The following LRP1B variants were observed in gnomAD, a reference collection of about 807,000 sequenced individuals.
The protein encoded by LRP1B is LDL receptor related protein 1B.
A neutral mutation model predicts 556.6 loss-of-function variants in LRP1B; 217 were observed. That is an observed-to-expected ratio of 0.39 (90% CI 0.35 to 0.44). LRP1B has a LOEUF of 0.44. Among genes scored for constraint, LRP1B ranks in the 20% least tolerant of loss-of-function variants. The probability of loss-of-function intolerance (pLI) is 1.00; values close to 1 mark genes in which losing one functional copy is unlikely to be tolerated. For synonymous variants in LRP1B, 2,047 were observed against 1,865.8 expected (o/e 1.10, Z -2.50); for missense variants, 5,053 against 5,620.8 (o/e 0.90, Z 3.23).
chr2:141,533,104 G>C (rs1265759534), intron 2 of LRP1B, among the ~76,000 whole-genome samples: 1 of 152,132 alleles, frequency 6.6e-6, no homozygotes, highest in East Asian at 1.9e-4. Context: ...CAGAGTCAAA[G>C]CTTGACTTAT....
At chr2:141,981,151 T>C (rs1244740280) in intron 1 of LRP1B, among the ~76,000 whole-genome samples, 1 of 152,122 alleles carries the variant, frequency 6.6e-6, no homozygotes, top group Non-Finnish European at 1.5e-5. Flanking sequence ...AGAGACCATC[T>C]ACTGCCCAGA....
intron 25 of LRP1B, among the ~76,000 whole-genome samples, chr2:140,872,866 T>C (rs530849470): frequency 4.1e-4 from 62 of 152,136 alleles, no homozygotes; most frequent in African/African-American, 1.4e-3. Flanking sequence ...AAAAAAGGTC[T>C]TTATGAATCT....
intron 1 of LRP1B, among the ~76,000 whole-genome samples, chr2:141,979,197 C>G (rs960624136): frequency 6.6e-6 from 1 of 151,950 alleles, no homozygotes; most frequent in Non-Finnish European, 1.5e-5. Flanking sequence ...TAAATCTGGA[C>G]CTAAATTGTA....
intron 25 of LRP1B, among the ~76,000 whole-genome samples, chr2:140,872,869 A>G (rs1693183433): frequency 6.6e-6 from 1 of 152,066 alleles, no homozygotes. Context: ...AAAGGTCTTT[A>G]TGAATCTATA....
chr2:140,874,502 G>A (rs1013183255), intron 25 of LRP1B, among the ~76,000 whole-genome samples: 1 of 152,072 alleles, frequency 6.6e-6, no homozygotes, highest in African/African-American at 2.4e-5. Context: ...GTGCAGTGCA[G>A]AAGGTCTTTT....
intron 2 of LRP1B, among the ~76,000 whole-genome samples, chr2:141,621,383 A>C (rs1688500301): frequency 6.6e-6 from 1 of 152,320 alleles, no homozygotes; most frequent in South Asian, 2.1e-4. Flanking sequence ...AAATGACTTG[A>C]TAAGACAGAA....
intron 35 of LRP1B, among the ~76,000 whole-genome samples, chr2:140,750,113 C>CACA (rs1048828310): frequency 1.4e-4 from 20 of 144,242 alleles, no homozygotes; most frequent in African/African-American, 5.1e-4. Context: ...CACACACACA[C>CACA]ATTTCAGTAC....
At chr2:141,100,846 A>C (rs1349794713) in intron 7 of LRP1B, among the ~76,000 whole-genome samples, 1 of 152,062 alleles carries the variant, frequency 6.6e-6, no homozygotes, top group African/African-American at 2.4e-5. Context: ...AGGCCTGCTA[A>C]GGCTTCCATG....
At chr2:140,345,979 C>A (rs1485077884) in intron 77 of LRP1B, among the ~76,000 whole-genome samples, 2 of 149,928 alleles carry the variant, frequency 1.3e-5, no homozygotes, top group Admixed American at 6.7e-5. Flanking sequence ...CTGAATTTTT[C>A]TTTCTTAGAT....
chr2:140,356,502 C>T (rs2105130721), intron 74 of LRP1B, 26 bp from the exon 75 acceptor site: 1 of 1,525,948 alleles, frequency 6.6e-7, no homozygotes, highest in South Asian at 1.2e-5. Flanking sequence ...ATGATCAAAA[C>T]TAATATAATT....
At chr2:140,497,337 C>G (rs1456599120) in intron 55 of LRP1B, among the ~76,000 whole-genome samples, 1 of 151,878 alleles carries the variant, frequency 6.6e-6, no homozygotes, top group East Asian at 1.9e-4. Flanking sequence ...CATTATATCT[C>G]ACTGAGTGAC....
chr2:140,327,579 G>GTTAAAAACATAAAACA, intron 79 of LRP1B, among the ~76,000 whole-genome samples: 2 of 152,106 alleles, frequency 1.3e-5, no homozygotes, highest in South Asian at 4.1e-4. Context: ...ACTGAGAAGG[G>GTTAAAAACATAAAACA]TTAAAAACAT....
chr2:141,347,194 C>A (rs973047356), intron 3 of LRP1B, among the ~76,000 whole-genome samples: 1 of 151,940 alleles, frequency 6.6e-6, no homozygotes, highest in Non-Finnish European at 1.5e-5. Context: ...CTTATTATAT[C>A]AGATATACTT....
rs759431780 is a variant in LRP1B, at chr2:140,233,350, T to C, written c.13660-24A>G. ...GGCTGAAGGAGAAAAAAAATAAATA[T>C]AATTTTATTACTGGTCTTGGCCACA... On this transcript the variant is annotated intron_variant, in intron 90 of 90. Transcript: ENST00000389484. 1.8e-5 allele frequency: 27 copies of C among 1,526,704 alleles called. No homozygotes were observed. In the South Asian group the frequency reaches 2.4e-4, roughly 13 times the overall value. 94.6% of individuals were successfully genotyped at this position (1,526,704 alleles called of 1,614,324 possible).
intron 84 of LRP1B, among the ~76,000 whole-genome samples, chr2:140,278,036 A>AACAC (rs34699867): frequency 0.023 from 3,464 of 150,432 alleles, 75 homozygotes; most frequent in African/African-American, 0.059. Flanking sequence ...CACATATACA[A>AACAC]ACACACACAC....
chr2:140,919,777 G>A (rs1694683270), intron 21 of LRP1B, among the ~76,000 whole-genome samples: 1 of 152,018 alleles, frequency 6.6e-6, no homozygotes, highest in Non-Finnish European at 1.5e-5. Context: ...TCTGTGTGTT[G>A]AGAAGTGAAA....
rs1350665449 is a variant in LRP1B, at chr2:140,576,495, C to G, written c.7194+22136G>C. On this transcript the variant is annotated intron_variant, in intron 43 of 90. Coordinates refer to ENST00000389484, the MANE Select transcript of LRP1B (RefSeq NM_018557.3). ...TGTGTATGGATTCGCCAAAATTAAC[C>G]ATGCCACCGGAAGATACAAGACCAT... Among the ~76,000 whole-genome samples, 3 of 152,256 alleles carry G rather than the reference C, an allele frequency of 2.0e-5. No homozygotes were observed. In the East Asian group the frequency reaches 5.8e-4, roughly 29 times the overall value.
rs1307457054 is a variant in LRP1B, at chr2:141,544,331, C to CTT, written c.206-63800_206-63799dup. On this transcript the variant is annotated intron_variant, in intron 2 of 90. Coordinates refer to ENST00000389484, the MANE Select transcript of LRP1B (RefSeq NM_018557.3). ...TCTTCTTCTTCTTCTTCTTCTTCTT[C>CTT]TTCTTCTTCTTCTTCTTCTTCTTCT... Among the ~76,000 whole-genome samples the CTT allele has an allele frequency of 7.5e-3, 222 of 29,482 alleles. 1 individual carries two copies. The highest frequency in any genetic ancestry group is 0.023 in the South Asian group (18 of 796). 19.3% of individuals were successfully genotyped at this position (29,482 alleles called of 152,430 possible).
At chr2:140,526,200 C>T (rs1475258798) in intron 48 of LRP1B, 37 bp downstream of exon 48, 2 of 1,582,576 alleles carry the variant, frequency 1.3e-6, no homozygotes, top group Non-Finnish European at 1.7e-6. Context: ...CAAAAGTGCC[C>T]AAGCATAAAC....
Sources: gnomAD v4.1 joint callset for allele counts (sites outside exome capture counted in the v4.1 genomes callset) on GRCh38, gnomAD v4.1.1 for gene constraint, MANE v1.5 for transcripts, NCBI Gene and HGNC (gene_info 2026-07-23, HGNC 2026-07-21) for gene names.